The following SEMA4D variants were observed in gnomAD, a reference collection of about 807,000 sequenced individuals.
SEMA4D encodes semaphorin-4D.
Under a neutral mutation model 74.8 loss-of-function variants are expected in SEMA4D, and 22 were observed. That is an observed-to-expected ratio of 0.29 (90% CI 0.21 to 0.42). SEMA4D has a LOEUF of 0.42. Among genes scored for constraint, SEMA4D ranks in the 10% least tolerant of loss-of-function variants. The probability of loss-of-function intolerance (pLI) is 1.00; values close to 1 mark genes in which losing one functional copy is unlikely to be tolerated. For missense variants in SEMA4D, 937 were observed against 1,118.4 expected (o/e 0.84, Z 2.31); for synonymous variants, 445 against 463.7 (o/e 0.96, Z 0.52).
chr9:89,379,247 G>C lies in SEMA4D; in HGVS notation c.2046C>G (p.Pro682=), dbSNP rs781607305. ...VLVASTQGSS[P]PTPAVQATSS... Reference sequence around the variant, plus strand: ...AGGTGGCCTGCACGGCTGGGGTTGGGGGAGAAGACCCTTGGGTGGATGCCA... The same window carrying C: ...AGGTGGCCTGCACGGCTGGGGTTGGCGGAGAAGACCCTTGGGTGGATGCCA... Residue 682 remains proline, a synonymous_variant, in exon 16 of 16, where the codon CCC becomes CCG. Coordinates refer to ENST00000422704, the MANE Select transcript of SEMA4D (RefSeq NM_001371194.2). 1 of 1,613,976 alleles carries C rather than the reference G, an allele frequency of 6.2e-7. No individual in the cohort carries two copies. The highest frequency in any genetic ancestry group is 8.5e-7 in the Non-Finnish European group (1 of 1,179,986).
chr9:89,436,777 T>C (rs1270902476), intron 2 of SEMA4D, among the ~76,000 whole-genome samples: 3 of 152,192 alleles, frequency 2.0e-5, no homozygotes, highest in East Asian at 1.9e-4. Context: ...ATGCACACCA[T>C]TGTCCACCCA....
chr9:89,418,466 G>A (rs951011168), intron 2 of SEMA4D: 8 of 966,536 alleles, frequency 8.3e-6, no homozygotes, highest in Non-Finnish European at 8.6e-6. Flanking sequence ...CTATCTAATT[G>A]TCTATTAGCT....
intron 13 of SEMA4D, chr9:89,384,800 ATGGGGT>A: frequency 4.1e-6 from 4 of 985,368 alleles, no homozygotes; most frequent in Non-Finnish European, 4.8e-6. Context: ...AGAGAGCCTG[ATGGGGT>A]CAGGCGGCAC....
At chr9:89,399,181 G>C (rs1002966164) in intron 5 of SEMA4D, 95 bp downstream of exon 5, 8 of 1,032,644 alleles carry the variant, frequency 7.7e-6, no homozygotes, top group African/African-American at 3.2e-5. Flanking sequence ...TGGAGAAAAG[G>C]CTGGCCTGCA....
At chr9:89,364,142 C>T (rs1833205915) in intron 16 of SEMA4D, 13 of 1,178,268 alleles carry the variant, frequency 1.1e-5, no homozygotes, top group Admixed American at 2.6e-5. Flanking sequence ...GGCCTTGGCC[C>T]GTCCTGTGGA....
intron 2 of SEMA4D, among the ~76,000 whole-genome samples, chr9:89,410,920 C>T (rs1229758378): frequency 1.3e-5 from 2 of 152,216 alleles, no homozygotes; most frequent in South Asian, 2.1e-4. Context: ...GTCAAATTAT[C>T]AATCAGTATG....
chr9:89,423,131 C>T (rs947356330), intron 2 of SEMA4D, among the ~76,000 whole-genome samples: 2 of 151,830 alleles, frequency 1.3e-5, no homozygotes, highest in Non-Finnish European at 2.9e-5. Context: ...GAGCTGAAGT[C>T]ATTTTTGCAA....
At chr9:89,449,465 G>T in intron 2 of SEMA4D, 1 of 680,704 alleles carries the variant, frequency 1.5e-6, no homozygotes, top group African/African-American at 1.8e-5. Flanking sequence ...CTCTCCTCGA[G>T]GATCGAGGGA....
intron 1 of SEMA4D, among the ~76,000 whole-genome samples, chr9:89,476,276 G>A (rs543428369): frequency 2.0e-5 from 3 of 152,288 alleles, no homozygotes; most frequent in South Asian, 4.1e-4. Context: ...GGCCCACACT[G>A]GTTTATAAAA....
chr9:89,467,173 G>A (rs977675565), intron 1 of SEMA4D, among the ~76,000 whole-genome samples: 1 of 152,168 alleles, frequency 6.6e-6, no homozygotes, highest in Non-Finnish European at 1.5e-5. Flanking sequence ...GCCACACAAG[G>A]ACATGGGTAC....
At chr9:89,436,540 C>T (rs36020742) in intron 2 of SEMA4D, 17,988 of 152,522 alleles carry the variant, frequency 0.12, 1,398 homozygotes, top group Non-Finnish European at 0.17. Flanking sequence ...CACCCTTCAG[C>T]GCAGGGACAA....
intron 13 of SEMA4D, chr9:89,385,741 T>C (rs1838296899): frequency 2.4e-6 from 1 of 418,890 alleles, no homozygotes; most frequent in Non-Finnish European, 3.2e-6. Flanking sequence ...AGGGGCCCTC[T>C]TCCTCTGCCT....
At chr9:89,416,978 A>G (rs1845853711) in intron 2 of SEMA4D, among the ~76,000 whole-genome samples, 1 of 152,068 alleles carries the variant, frequency 6.6e-6, no homozygotes, top group South Asian at 2.1e-4. Context: ...TTCCCCATAT[A>G]TACTTCGTGC....
At chr9:89,371,064 C>A (rs1379187714) in intron 16 of SEMA4D, among the ~76,000 whole-genome samples, 1 of 61,314 alleles carries the variant, frequency 1.6e-5, no homozygotes, top group African/African-American at 6.6e-5. Flanking sequence ...ATGTGTATGT[C>A]TGGGGTGTGG....
intron 2 of SEMA4D, among the ~76,000 whole-genome samples, chr9:89,436,867 T>G (rs2134922063): frequency 6.6e-6 from 1 of 152,332 alleles, no homozygotes; most frequent in Non-Finnish European, 1.5e-5. Context: ...TTCAGTCATC[T>G]GGGGGCTCCA....
chr9:89,477,030 T>A (rs1427642704), intron 1 of SEMA4D, among the ~76,000 whole-genome samples: 1 of 152,156 alleles, frequency 6.6e-6, no homozygotes, highest in Non-Finnish European at 1.5e-5. Context: ...GCTGGAGGCA[T>A]GGAGGAGAGT....
chr9:89,396,650 G>T, intron 6 of SEMA4D, 87 bp downstream of exon 6: 1 of 1,104,956 alleles, frequency 9.1e-7, no homozygotes, highest in Non-Finnish European at 1.3e-6. Flanking sequence ...TTAGGGTGGA[G>T]ACAGCTTTAC....
In SEMA4D at chr9:89,478,571, C is replaced by T. The variant is rs73490207; in HGVS notation, c.-310+19348G>A. On this transcript the variant is annotated intron_variant, in intron 1 of 15. Transcript: ENST00000422704. ...GACATTCATCCCTATGTCCCCTGTGCGCCTATGAAAAGGGATTGTTTCCTT... is the reference window on the plus strand; with the variant it reads ...GACATTCATCCCTATGTCCCCTGTGTGCCTATGAAAAGGGATTGTTTCCTT... Among the ~76,000 whole-genome samples the T allele has an allele frequency of 3.5e-3, 536 of 152,226 alleles. 4 individuals carry two copies. The highest frequency in any genetic ancestry group is 0.012 in the African/African-American group (502 of 41,546).
At chr9:89,422,822 T>A (rs954299039) in intron 2 of SEMA4D, among the ~76,000 whole-genome samples, 4 of 152,206 alleles carry the variant, frequency 2.6e-5, no homozygotes, top group African/African-American at 9.7e-5. Context: ...GGAGATTCCA[T>A]GGTTCCATCA....
Sources: allele counts gnomAD v4.1 joint callset (sites outside exome capture counted in the v4.1 genomes callset), GRCh38; gene constraint gnomAD v4.1.1; transcripts MANE v1.5; gene names NCBI Gene and HGNC (gene_info 2026-07-23, HGNC 2026-07-21).